NBAS: variants seen among roughly 807,000 people sequenced by gnomAD.
NBAS encodes NAG/BC035112 fusion.
In NBAS, 219 loss-of-function variants were observed where a neutral mutation model predicts 302.5. The observed-to-expected ratio is 0.72, with a 90% CI of 0.65 to 0.81. The LOEUF is 0.81. Among genes scored for constraint, NBAS ranks in the 30% least tolerant of loss-of-function variants. The pLI is 0.00. For synonymous variants in NBAS, 1,118 were observed against 1,021.6 expected (o/e 1.09, Z -1.80); for missense variants, 2,932 against 2,841.6 (o/e 1.03, Z -0.72).
At chr2:15,234,892 T>A in intron 45 of NBAS, 145 bp from the exon 46 acceptor site, 1 of 871,094 alleles carries the variant, frequency 1.1e-6, no homozygotes, top group Non-Finnish European at 1.8e-6. Flanking sequence ...AGTTAGTTAT[T>A]AAGAGCTTAG....
intron 35 of NBAS, among the ~76,000 whole-genome samples, chr2:15,336,987 A>G (rs1215139540): frequency 6.6e-6 from 1 of 152,138 alleles, no homozygotes; most frequent in Non-Finnish European, 1.5e-5. Flanking sequence ...TAAAAAATGC[A>G]GGCTAAGCCA....
intron 40 of NBAS, among the ~76,000 whole-genome samples, chr2:15,296,125 A>G (rs1224666458): frequency 6.6e-6 from 1 of 152,218 alleles, no homozygotes; most frequent in Admixed American, 6.5e-5. Context: ...ACTCCATGGA[A>G]GGAGCAGTTG....
chr2:15,248,500 T>A (rs1668208836), intron 44 of NBAS, among the ~76,000 whole-genome samples: 1 of 151,924 alleles, frequency 6.6e-6, no homozygotes, highest in Non-Finnish European at 1.5e-5. Context: ...AAAAAACCCT[T>A]CAAAAAATCA....
intron 21 of NBAS, among the ~76,000 whole-genome samples, chr2:15,435,438 A>T (rs1677964359): frequency 6.6e-6 from 1 of 152,218 alleles, no homozygotes; most frequent in African/African-American, 2.4e-5. Context: ...AACTATCTGC[A>T]AGCACAAATA....
the NBAS span, among the ~76,000 whole-genome samples, chr2:14,906,675 A>T: frequency 2.6e-5 from 4 of 152,158 alleles, no homozygotes; most frequent in African/African-American, 9.7e-5. Context: ...TCCCACCAGA[A>T]TCTGGGGCAG....
intron 23 of NBAS, among the ~76,000 whole-genome samples, chr2:15,421,805 T>C (rs902880686): frequency 8.5e-5 from 13 of 152,314 alleles, no homozygotes; most frequent in African/African-American, 2.9e-4. Flanking sequence ...GAAAGCTCTA[T>C]AGGTTTTTCC....
chr2:15,380,497 C>T (rs1015770843), intron 29 of NBAS, among the ~76,000 whole-genome samples: 1 of 152,124 alleles, frequency 6.6e-6, no homozygotes, highest in African/African-American at 2.4e-5. Context: ...GCTATACTTA[C>T]AACCAGTCAT....
chr2:15,244,378 T>C (rs1436917246), intron 44 of NBAS, among the ~76,000 whole-genome samples: 1 of 151,824 alleles, frequency 6.6e-6, no homozygotes, highest in African/African-American at 2.4e-5. Context: ...GGGAAGAAAC[T>C]GGGGTCATGG....
chr2:15,102,977 GAGGAAGGA>G, the NBAS span, among the ~76,000 whole-genome samples: 10,798 of 95,328 alleles, frequency 0.11, 723 homozygotes, highest in East Asian at 0.22. Flanking sequence ...AGGCATTAAG[GAGGAAGGA>G]AGGAAGGAAG....
At chr2:14,925,150 T>C in the NBAS span, among the ~76,000 whole-genome samples, 813 of 152,328 alleles carry the variant, frequency 5.3e-3, 12 homozygotes, top group African/African-American at 0.019. Context: ...TGCTGGGCCA[T>C]GCAGATCAGA....
At chr2:15,350,119 T>C (rs1673279776) in intron 35 of NBAS, among the ~76,000 whole-genome samples, 1 of 152,038 alleles carries the variant, frequency 6.6e-6, no homozygotes, top group Admixed American at 6.6e-5. Flanking sequence ...AAAAAAGAGT[T>C]GTGAGAATGG....
At chr2:15,479,327 A>G (rs948899866) in intron 12 of NBAS, among the ~76,000 whole-genome samples, 1 of 152,248 alleles carries the variant, frequency 6.6e-6, no homozygotes, top group Non-Finnish European at 1.5e-5. Context: ...CATTTAAAAA[A>G]ATAAGATACA....
chr2:14,794,213 C>G, the NBAS span, among the ~76,000 whole-genome samples: 1 of 152,166 alleles, frequency 6.6e-6, no homozygotes, highest in Non-Finnish European at 1.5e-5. Context: ...AAATTTGGAG[C>G]CCTCTTTTGG....
chr2:14,790,388 T>C, the NBAS span, among the ~76,000 whole-genome samples: 1 of 152,214 alleles, frequency 6.6e-6, no homozygotes. Flanking sequence ...TGACAGGAGA[T>C]AAAATAGTTA....
At chr2:15,447,229 C>T (rs1678795217) in intron 21 of NBAS, among the ~76,000 whole-genome samples, 1 of 152,128 alleles carries the variant, frequency 6.6e-6, no homozygotes, top group South Asian at 2.1e-4. Flanking sequence ...CTACACATTG[C>T]CAGACTGGAT....
the NBAS span, among the ~76,000 whole-genome samples, chr2:15,084,046 T>C: frequency 1.3e-5 from 2 of 152,180 alleles, no homozygotes; most frequent in Non-Finnish European, 2.9e-5. Flanking sequence ...ATTGCTTTTT[T>C]TTTTTCAATT....
the NBAS span, among the ~76,000 whole-genome samples, chr2:14,784,897 A>T: frequency 1.3e-5 from 2 of 152,144 alleles, no homozygotes; most frequent in Non-Finnish European, 2.9e-5. Context: ...TGAATCTATA[A>T]ATTACCTTGG....
chr2:15,435,502 T>G (rs2148500073), intron 21 of NBAS, among the ~76,000 whole-genome samples: 1 of 152,222 alleles, frequency 6.6e-6, no homozygotes, highest in Middle Eastern at 3.4e-3. Flanking sequence ...AGATAGACAA[T>G]ATTATCTTTC....
chr2:15,096,601 G>T, the NBAS span, among the ~76,000 whole-genome samples: 4 of 152,106 alleles, frequency 2.6e-5, no homozygotes, highest in African/African-American at 9.7e-5. Flanking sequence ...ATGCAGTCTC[G>T]GACAAATGGG....
Sources: gnomAD v4.1 joint callset for allele counts (sites outside exome capture counted in the v4.1 genomes callset) on GRCh38, gnomAD v4.1.1 for gene constraint, MANE v1.5 for transcripts, NCBI Gene and HGNC (gene_info 2026-07-23, HGNC 2026-07-21) for gene names.